The following COX7B2 variants were observed in gnomAD, a reference collection of about 807,000 sequenced individuals.
COX7B2 encodes cytochrome c oxidase subunit 7B2, also known as cytochrome c oxidase subunit 7B2, mitochondrial.
For missense variants in COX7B2, 109 were observed against 95.9 expected, an observed-to-expected ratio of 1.14 and a Z score of -0.57; for synonymous variants, 37 against 32.1, an observed-to-expected ratio of 1.15 and a Z score of -0.51.
At chr4:46,823,420 C>T (rs1714445107) in intron 2 of COX7B2, among the ~76,000 whole-genome samples, 1 of 151,450 alleles carries the variant, frequency 6.6e-6, no homozygotes, top group South Asian at 2.1e-4. Context: ...AAGTACATTT[C>T]TAGCCCATAA....
At chr4:46,825,050 G>GA (rs1714590112) in intron 2 of COX7B2, among the ~76,000 whole-genome samples, 1 of 151,102 alleles carries the variant, frequency 6.6e-6, no homozygotes, top group African/African-American at 2.4e-5. Context: ...TCAGGCAAGA[G>GA]AAAAAAAATA....
At chr4:46,802,713 T>C (rs1055832649) in intron 2 of COX7B2, among the ~76,000 whole-genome samples, 2 of 152,166 alleles carry the variant, frequency 1.3e-5, no homozygotes, top group Non-Finnish European at 2.9e-5. Flanking sequence ...AACTCAGCTG[T>C]CACATTGGCA....
intron 2 of COX7B2, among the ~76,000 whole-genome samples, chr4:46,788,446 G>A (rs904580903): frequency 3.9e-5 from 6 of 151,920 alleles, no homozygotes; most frequent in Non-Finnish European, 7.4e-5. Context: ...AACAGCTAGG[G>A]GTCATTTCTC....
chr4:46,763,579 T>C (rs1315558575), intron 2 of COX7B2, among the ~76,000 whole-genome samples: 1 of 152,106 alleles, frequency 6.6e-6, no homozygotes, highest in African/African-American at 2.4e-5. Context: ...TAGCCCTTTT[T>C]TCATCACGCT....
intron 1 of COX7B2, among the ~76,000 whole-genome samples, chr4:46,871,220 C>A (rs1283490612): frequency 2.0e-5 from 3 of 151,996 alleles, no homozygotes; most frequent in Non-Finnish European, 2.9e-5. Context: ...TTTGACAAAC[C>A]TGACAAAAAC....
At chr4:46,862,771 T>A (rs1717415624) in intron 1 of COX7B2, among the ~76,000 whole-genome samples, 1 of 151,992 alleles carries the variant, frequency 6.6e-6, no homozygotes, top group Non-Finnish European at 1.5e-5. Context: ...TAACTTTGAA[T>A]GATGACTAGA....
At chr4:46,893,098 C>A (rs886195508) in intron 1 of COX7B2, among the ~76,000 whole-genome samples, 19 of 152,098 alleles carry the variant, frequency 1.2e-4, no homozygotes, top group Admixed American at 1.1e-3. Context: ...TCAGGTATTT[C>A]TTTGTAGTAG....
At chr4:46,794,707 T>C (rs1718229656) in intron 2 of COX7B2, among the ~76,000 whole-genome samples, 1 of 152,148 alleles carries the variant, frequency 6.6e-6, no homozygotes, top group Non-Finnish European at 1.5e-5. Flanking sequence ...AAGGTGGGCA[T>C]GATTACTATG....
intron 1 of COX7B2, among the ~76,000 whole-genome samples, chr4:46,882,960 C>T (rs1393064064): frequency 6.6e-6 from 1 of 152,052 alleles, no homozygotes; most frequent in Non-Finnish European, 1.5e-5. Context: ...CTTAATTTCA[C>T]ACATATGTTT....
intron 2 of COX7B2, among the ~76,000 whole-genome samples, chr4:46,755,472 C>A (rs921411532): frequency 6.6e-6 from 1 of 151,706 alleles, no homozygotes; most frequent in Admixed American, 6.6e-5. Context: ...ACAGAGTAAT[C>A]GGGCAAGAGA....
At chr4:46,813,802 C>A (rs115544640) in intron 2 of COX7B2, among the ~76,000 whole-genome samples, 158 of 152,152 alleles carry the variant, frequency 1.0e-3, no homozygotes, top group African/African-American at 3.6e-3. Context: ...ATCTGACCAG[C>A]AGTTAATACC....
intron 2 of COX7B2, among the ~76,000 whole-genome samples, chr4:46,768,467 G>A (rs1291463495): frequency 6.6e-6 from 1 of 152,158 alleles, no homozygotes; most frequent in Admixed American, 6.5e-5. Flanking sequence ...CAGGACAGGG[G>A]CATGGCAGGC....
chr4:46,737,821 C>G (rs1386009996), intron 2 of COX7B2, among the ~76,000 whole-genome samples: 1 of 152,094 alleles, frequency 6.6e-6, no homozygotes, highest in Non-Finnish European at 1.5e-5. Context: ...TAACTATTCA[C>G]TGAGATTTTC....
At chr4:46,804,514 A>G (rs948172346) in intron 2 of COX7B2, among the ~76,000 whole-genome samples, 7 of 152,126 alleles carry the variant, frequency 4.6e-5, no homozygotes, top group Non-Finnish European at 8.8e-5. Context: ...CATCCCCACT[A>G]GATTAGCTAG....
At chr4:46,736,599 T>C (rs371034630) in intron 2 of COX7B2, among the ~76,000 whole-genome samples, 8 of 152,288 alleles carry the variant, frequency 5.3e-5, no homozygotes, top group Middle Eastern at 3.4e-3. Flanking sequence ...GGGCAATGGT[T>C]CGGTTTCACC....
chr4:46,874,468 AAAC>A (rs1329906431), intron 1 of COX7B2, among the ~76,000 whole-genome samples: 12 of 152,216 alleles, frequency 7.9e-5, no homozygotes, highest in Non-Finnish European at 1.3e-4. Flanking sequence ...AACAAAAAAC[AAAC>A]AACAAGCTGA....
intron 2 of COX7B2, among the ~76,000 whole-genome samples, chr4:46,772,253 C>T (rs552439957): frequency 1.2e-4 from 18 of 152,136 alleles, no homozygotes; most frequent in South Asian, 1.0e-3. Context: ...AAATCAAACT[C>T]GTAGAAACAG....
chr4:46,764,801 C>A (rs1716430448), intron 2 of COX7B2, among the ~76,000 whole-genome samples: 1 of 151,066 alleles, frequency 6.6e-6, no homozygotes, highest in Non-Finnish European at 1.5e-5. Flanking sequence ...CAAAGTAAAT[C>A]TCTGTAATAG....
intron 2 of COX7B2, among the ~76,000 whole-genome samples, chr4:46,826,076 G>T (rs1250369603): frequency 6.6e-6 from 1 of 151,854 alleles, no homozygotes; most frequent in Non-Finnish European, 1.5e-5. Flanking sequence ...AGAAAATATT[G>T]ACAGTAAACA....
Sources: gnomAD v4.1 joint callset for allele counts (sites outside exome capture counted in the v4.1 genomes callset) on GRCh38, gnomAD v4.1.1 for gene constraint, MANE v1.5 for transcripts, NCBI Gene and HGNC (gene_info 2026-07-23, HGNC 2026-07-21) for gene names.